The following NOL4L variants were observed in gnomAD, a reference collection of about 807,000 sequenced individuals.
NOL4L encodes the protein nucleolar protein 4-like.
A neutral mutation model predicts 64.5 loss-of-function variants in NOL4L; 7 were observed. The observed-to-expected ratio is 0.11, with a 90% CI of 0.06 to 0.20. The LOEUF (loss-of-function observed/expected upper bound fraction) is 0.20. NOL4L is among the 10% of genes least tolerant of loss of function. The pLI is 1.00. For synonymous variants in NOL4L, 413 were observed against 401.0 expected (o/e 1.03, Z -0.36); for missense variants, 680 against 967.1 (o/e 0.70, Z 3.94).
At chr20:32,488,758 C>T (rs1476371390) in intron 4 of NOL4L, among the ~76,000 whole-genome samples, 2 of 52,878 alleles carry the variant, frequency 3.8e-5, no homozygotes, top group African/African-American at 1.4e-4. Context: ...TTCCTTCCTT[C>T]CTTCCTTCCT....
At chr20:32,544,785 A>C (rs1283503955) in intron 1 of NOL4L, among the ~76,000 whole-genome samples, 1 of 152,220 alleles carries the variant, frequency 6.6e-6, no homozygotes, top group Admixed American at 6.5e-5. Flanking sequence ...CTCAAAATCC[A>C]GTGCACTGTT....
intron 4 of NOL4L, among the ~76,000 whole-genome samples, chr20:32,478,460 G>C (rs1830970318): frequency 6.6e-6 from 1 of 152,088 alleles, no homozygotes; most frequent in Admixed American, 6.5e-5. Flanking sequence ...AGGTGCAGTG[G>C]GGAGACACTG....
In NOL4L at chr20:32,461,545, C is replaced by T. The variant is rs1056264961; in HGVS notation, c.842-5150G>A. Among the ~76,000 whole-genome samples, 5 of 150,568 alleles carry T rather than the reference C, an allele frequency of 3.3e-5. No individual in the cohort carries two copies. The East Asian group carries it at 5.9e-4, about 18-fold the overall frequency. ...TCATGCCATTCTCCTGCCTCGGCTT[C>T]CCGAGTAGCTGGGACTACAGGCGCC... is the stretch of plus-strand genomic sequence containing the variant. On this transcript the variant is annotated intron_variant, in intron 5 of 10. Transcript: ENST00000621426.
At chr20:32,467,814 C>T (rs1386353523) in intron 5 of NOL4L, among the ~76,000 whole-genome samples, 1 of 152,184 alleles carries the variant, frequency 6.6e-6, no homozygotes, top group African/African-American at 2.4e-5. Flanking sequence ...CTGTGTGCCC[C>T]CACACTTCCC....
chr20:32,500,530 A>ATTTTTTTTTTTTTTTTTTT (rs2016878386), intron 4 of NOL4L, among the ~76,000 whole-genome samples: 1 of 99,316 alleles, frequency 1.0e-5, no homozygotes, highest in Non-Finnish European at 2.1e-5. Context: ...ATTTTTTTGT[A>ATTTTTTTTTTTTTTTTTTT]TTTCTTTCTT....
In NOL4L at chr20:32,483,634, G is replaced by GT. The variant is rs1289239230; in HGVS notation, c.700-8893_700-8892insA. 1.1e-3 allele frequency: 131 copies of GT among 118,260 alleles called. 1 individual carries two copies. Among genetic ancestry groups the GT allele is most frequent in the African/African-American group, 4.2e-3 (120 of 28,484 alleles). 7.3% of individuals were successfully genotyped at this position (118,260 alleles called of 1,614,324 possible). On this transcript the variant is annotated intron_variant, in intron 4 of 10. Coordinates refer to ENST00000621426, the MANE Select transcript of NOL4L (RefSeq NM_001256798.2). ...ACCGGGCACGGGGAGGCGGGAGAGG[G>GT]GGCGGGACCGGGCACGGGGCGGGGG...
intron 5 of NOL4L, among the ~76,000 whole-genome samples, chr20:32,456,958 G>A (rs2013597683): frequency 1.3e-5 from 2 of 152,234 alleles, no homozygotes; most frequent in African/African-American, 4.8e-5. Context: ...AGCAAGCCCA[G>A]CCCTGGCAGC....
intron 9 of NOL4L, 109 bp downstream of exon 9, chr20:32,452,775 C>T (rs2013058886): frequency 1.3e-6 from 2 of 1,515,346 alleles, no homozygotes; most frequent in African/African-American, 1.4e-5. Context: ...TCCCCCTCTG[C>T]CCTTCTCCCG....
intron 4 of NOL4L, among the ~76,000 whole-genome samples, chr20:32,489,965 C>T (rs189091385): frequency 1.0e-3 from 153 of 151,716 alleles, no homozygotes; most frequent in African/African-American, 3.5e-3. Flanking sequence ...CCTGTCTCTA[C>T]TAAAAATACA....
chr20:32,553,239 T>A (rs1239075807), intron 1 of NOL4L, among the ~76,000 whole-genome samples: 2 of 152,168 alleles, frequency 1.3e-5, no homozygotes, highest in Admixed American at 1.3e-4. Flanking sequence ...CCTGGATCAC[T>A]GCAGCAGCCT....
At chr20:32,530,540 C>CA (rs142582061) in intron 1 of NOL4L, among the ~76,000 whole-genome samples, 4,141 of 126,736 alleles carry the variant, frequency 0.033, 170 homozygotes, top group African/African-American at 0.11. Flanking sequence ...GATTCCATCT[C>CA]AAAAAAAAAA....
At chr20:32,528,381 G>A (rs1043541118) in intron 1 of NOL4L, among the ~76,000 whole-genome samples, 3 of 152,218 alleles carry the variant, frequency 2.0e-5, no homozygotes, top group Non-Finnish European at 4.4e-5. Flanking sequence ...GGTGACTCCT[G>A]CCTCCGCCCT....
chr20:32,527,187 T>C (rs1228088825), intron 2 of NOL4L, among the ~76,000 whole-genome samples: 1 of 152,186 alleles, frequency 6.6e-6, no homozygotes, highest in Non-Finnish European at 1.5e-5. Flanking sequence ...GAGACATTTC[T>C]GCTTCTCATG....
intron 1 of NOL4L, among the ~76,000 whole-genome samples, chr20:32,545,559 C>G (rs1373261632): frequency 6.6e-6 from 1 of 152,182 alleles, no homozygotes; most frequent in African/African-American, 2.4e-5. Context: ...CCCCCTTCCC[C>G]CGACCCGCCC....
chr20:32,538,454 C>CCTCCCTCG, intron 1 of NOL4L, among the ~76,000 whole-genome samples: 11 of 142,748 alleles, frequency 7.7e-5, no homozygotes, highest in African/African-American at 1.6e-4. Context: ...CTCCTCCCTC[C>CCTCCCTCG]CTCCCTCGCT....
chr20:32,498,760 T>C (rs1195852493), intron 4 of NOL4L, among the ~76,000 whole-genome samples: 1 of 113,584 alleles, frequency 8.8e-6, no homozygotes, highest in Non-Finnish European at 1.7e-5. Flanking sequence ...TGAGACCCTG[T>C]CTCAATAAAA....
At chr20:32,476,798 G>A (rs1344932620) in intron 4 of NOL4L, among the ~76,000 whole-genome samples, 1 of 152,220 alleles carries the variant, frequency 6.6e-6, no homozygotes, top group Non-Finnish European at 1.5e-5. Context: ...CATGGAAGCA[G>A]GGCAAGAGGG....
intron 1 of NOL4L, among the ~76,000 whole-genome samples, chr20:32,561,463 C>T (rs1246525512): frequency 6.6e-6 from 1 of 152,180 alleles, no homozygotes; most frequent in East Asian, 1.9e-4. Context: ...CTTCCAGAGC[C>T]GAGGGTGTGC....
intron 10 of NOL4L, among the ~76,000 whole-genome samples, chr20:32,449,245 T>C (rs954066213): frequency 1.3e-5 from 2 of 152,184 alleles, no homozygotes; most frequent in African/African-American, 4.8e-5. Context: ...TGGAGTCCCT[T>C]CCCCACAGCT....
Sources: gnomAD v4.1 joint callset for allele counts (sites outside exome capture counted in the v4.1 genomes callset) on GRCh38, gnomAD v4.1.1 for gene constraint, MANE v1.5 for transcripts, NCBI Gene and HGNC (gene_info 2026-07-23, HGNC 2026-07-21) for gene names.